DEPTOR: variants seen among roughly 807,000 people sequenced by gnomAD.
DEPTOR encodes the protein DEP domain containing MTOR interacting protein.
In DEPTOR, 41 loss-of-function variants were observed where a neutral mutation model predicts 41.6. That is an observed-to-expected ratio of 0.98 (90% CI 0.77 to 1.28). The LOEUF (loss-of-function observed/expected upper bound fraction) is 1.28. Ranked by LOEUF, DEPTOR falls within the 50% of genes most tolerant of loss-of-function variation. The pLI, the probability that DEPTOR is intolerant of heterozygous loss-of-function variation, is 0.00. For synonymous variants in DEPTOR, 195 were observed against 192.3 expected (o/e 1.01, Z -0.12); for missense variants, 514 against 527.9 (o/e 0.97, Z 0.26).
chr8:119,972,398 G>A (rs1196211684), intron 4 of DEPTOR, among the ~76,000 whole-genome samples: 1 of 152,068 alleles, frequency 6.6e-6, no homozygotes, highest in Non-Finnish European at 1.5e-5. Flanking sequence ...TGAGGCAGAC[G>A]GATCACTTGA....
chr8:119,941,604 G>A (rs748151136), intron 3 of DEPTOR, among the ~76,000 whole-genome samples: 1 of 152,134 alleles, frequency 6.6e-6, no homozygotes, highest in Non-Finnish European at 1.5e-5. Context: ...AGATAGCAGA[G>A]TAAGCCTGGA....
At chr8:119,913,435 CT>C (rs1346650237) in intron 1 of DEPTOR, among the ~76,000 whole-genome samples, 2 of 152,164 alleles carry the variant, frequency 1.3e-5, no homozygotes, top group African/African-American at 4.8e-5. Flanking sequence ...TGGTGATTGG[CT>C]GTACATTGTT....
intron 4 of DEPTOR, among the ~76,000 whole-genome samples, chr8:119,998,497 T>C (rs536065476): frequency 6.6e-6 from 1 of 152,242 alleles, no homozygotes; most frequent in South Asian, 2.1e-4. Flanking sequence ...CTATTCAAGT[T>C]TTTTGCTTCT....
At chr8:119,943,852 T>A (rs915380277) in intron 3 of DEPTOR, among the ~76,000 whole-genome samples, 7 of 152,142 alleles carry the variant, frequency 4.6e-5, no homozygotes, top group Admixed American at 1.3e-4. Context: ...TATTATTATT[T>A]TTTGAGACGG....
intron 8 of DEPTOR, among the ~76,000 whole-genome samples, chr8:120,021,045 C>T (rs1279113468): frequency 5.5e-4 from 8 of 14,570 alleles, no homozygotes; most frequent in African/African-American, 1.6e-3. Context: ...GGTGACACAG[C>T]GAGACTCTGT....
At chr8:120,018,367 C>G (rs1812643584) in intron 8 of DEPTOR, among the ~76,000 whole-genome samples, 4 of 152,162 alleles carry the variant, frequency 2.6e-5, no homozygotes, top group Admixed American at 2.0e-4. Flanking sequence ...CACCTGAGAT[C>G]AGGAGTTCGA....
intron 1 of DEPTOR, among the ~76,000 whole-genome samples, chr8:119,896,760 A>G (rs1827525584): frequency 6.6e-6 from 1 of 152,158 alleles, no homozygotes. Flanking sequence ...GGCCCCGCAA[A>G]GTGCTAGGAT....
At chr8:119,889,479 C>T (rs1217613224) in intron 1 of DEPTOR, among the ~76,000 whole-genome samples, 3 of 148,496 alleles carry the variant, frequency 2.0e-5, no homozygotes, top group East Asian at 2.0e-4. Context: ...CCCAGGAGGT[C>T]GAGACTGCAG....
intron 1 of DEPTOR, among the ~76,000 whole-genome samples, chr8:119,888,753 G>C (rs932097898): frequency 2.0e-5 from 3 of 151,258 alleles, no homozygotes; most frequent in African/African-American, 7.3e-5. Context: ...CTACTCAGGA[G>C]GCTGAGGCAG....
At chr8:120,033,522 C>T (rs1050145729) in intron 8 of DEPTOR, among the ~76,000 whole-genome samples, 3 of 152,226 alleles carry the variant, frequency 2.0e-5, no homozygotes, top group Admixed American at 2.0e-4. Flanking sequence ...CATTATATCA[C>T]AGCACCCTTC....
chr8:119,928,699 T>C, intron 2 of DEPTOR, 121 bp downstream of exon 2: 1 of 1,037,642 alleles, frequency 9.6e-7, no homozygotes, highest in Non-Finnish European at 1.3e-6. Flanking sequence ...TACCTCTCCC[T>C]GATTGCATTT....
chr8:120,027,142 C>T (rs368135553), intron 8 of DEPTOR, among the ~76,000 whole-genome samples: 3 of 151,440 alleles, frequency 2.0e-5, no homozygotes, highest in East Asian at 2.0e-4. Context: ...CACTTGAACC[C>T]GGGAGACGGA....
intron 1 of DEPTOR, among the ~76,000 whole-genome samples, chr8:119,894,479 C>T (rs1411937317): frequency 6.6e-6 from 1 of 151,828 alleles, no homozygotes; most frequent in Admixed American, 6.6e-5. Context: ...TCACTGCAAG[C>T]TCCGCCTCCT....
chr8:120,020,443 A>G (rs1812683440), intron 8 of DEPTOR, among the ~76,000 whole-genome samples: 1 of 152,060 alleles, frequency 6.6e-6, no homozygotes, highest in African/African-American at 2.4e-5. Context: ...TGGTGCAAAC[A>G]TGGTTCACTG....
At chr8:119,944,364 C>T (rs999725969) in intron 3 of DEPTOR, among the ~76,000 whole-genome samples, 5 of 152,124 alleles carry the variant, frequency 3.3e-5, no homozygotes, top group Admixed American at 2.0e-4. Context: ...GAAGTTGGCA[C>T]GTGATACACT....
intron 3 of DEPTOR, among the ~76,000 whole-genome samples, chr8:119,960,982 A>AAAAGAAAG (rs149572586): frequency 9.9e-5 from 15 of 151,962 alleles, no homozygotes; most frequent in South Asian, 2.1e-4. Flanking sequence ...TCCATCTCAA[A>AAAAGAAAG]AAAGAAAGAA....
At chr8:120,004,445 C>G (rs1026201806) in intron 6 of DEPTOR, among the ~76,000 whole-genome samples, 7 of 152,014 alleles carry the variant, frequency 4.6e-5, no homozygotes, top group African/African-American at 9.7e-5. Context: ...ATGTTTGAAG[C>G]CTTTGTAGAA....
chr8:119,876,489 T>C (rs1458292913), intron 1 of DEPTOR, among the ~76,000 whole-genome samples: 1 of 152,036 alleles, frequency 6.6e-6, no homozygotes, highest in Non-Finnish European at 1.5e-5. Flanking sequence ...AATACAAGAA[T>C]TAGCCGGGTG....
At chr8:120,021,049 A>G (rs968319339) in intron 8 of DEPTOR, among the ~76,000 whole-genome samples, 8 of 149,646 alleles carry the variant, frequency 5.3e-5, no homozygotes, top group Admixed American at 2.0e-4. Flanking sequence ...ACACAGCGAG[A>G]CTCTGTCTCA....
Sources: allele counts gnomAD v4.1 joint callset (sites outside exome capture counted in the v4.1 genomes callset), GRCh38; gene constraint gnomAD v4.1.1; transcripts MANE v1.5; gene names NCBI Gene and HGNC (gene_info 2026-07-23, HGNC 2026-07-21).